The following CFAP47 variants were observed in gnomAD, a reference collection of about 807,000 sequenced individuals.
CFAP47 encodes cilia- and flagella-associated protein 47.
CFAP47 carries 29 observed loss-of-function variants against 148.1 expected under a neutral mutation model. That is an observed-to-expected ratio of 0.20 (90% confidence interval 0.15 to 0.27). CFAP47 has a LOEUF of 0.27. Ranked by LOEUF, CFAP47 falls within the 10% of genes least tolerant of loss-of-function variation. The pLI, the probability that CFAP47 is intolerant of heterozygous loss-of-function variation, is 1.00. For missense variants in CFAP47, 1,872 were observed against 1,697.5 expected, an observed-to-expected ratio of 1.10 and a Z score of -1.81; for synonymous variants, 664 against 577.3, an observed-to-expected ratio of 1.15 and a Z score of -2.15.
intron 15 of CFAP47, among the ~76,000 whole-genome samples, chrX:35,977,517 TC>T (rs1936587365): frequency 9.0e-6 from 1 of 111,202 alleles, no homozygotes; most frequent in Non-Finnish European, 1.9e-5. Context: ...CCTGTTTCCT[TC>T]CATCTTTCCT....
rs1418664152 is a variant in CFAP47, at chrX:36,371,644, ATGTGTATATATG to A, written c.9185+4528_9185+4539del. 1.6e-4 allele frequency among the ~76,000 whole-genome samples: 11 copies of A among 69,283 alleles called. 2 individuals are homozygous for A. Among genetic ancestry groups the A allele is most frequent in the African/African-American group, 6.4e-4 (10 of 15,701 alleles). 60.2% of individuals were successfully genotyped at this position (69,283 alleles called of 115,157 possible). The stretch of plus-strand genomic sequence containing the variant: ...GTAATATATGTGTATATACACACAT[ATGTGTATATATG>A]TGTGTATATACACACATGTGTATAT... On this transcript the variant is annotated intron_variant, in intron 62 of 63. Transcript: ENST00000378653.
intron 27 of CFAP47, among the ~76,000 whole-genome samples, chrX:36,067,823 C>A (rs1010208514): frequency 1.8e-5 from 2 of 109,373 alleles, no homozygotes; most frequent in Non-Finnish European, 3.8e-5. Context: ...CCACCATGGC[C>A]GGCTAATCTT....
chrX:36,034,554 A>G (rs1377190537), intron 23 of CFAP47, among the ~76,000 whole-genome samples: 5 of 111,556 alleles, frequency 4.5e-5, no homozygotes, highest in Non-Finnish European at 5.7e-5. Context: ...ATTACATAAT[A>G]TGTTAGCATG....
chrX:35,993,769 T>C (rs750207408), intron 18 of CFAP47, among the ~76,000 whole-genome samples: 23 of 111,106 alleles, frequency 2.1e-4, no homozygotes, highest in Non-Finnish European at 4.0e-4. Flanking sequence ...CGAACCTAGA[T>C]AGCCACAGAG....
At chrX:36,039,244 A>C in intron 25 of CFAP47, 65 bp downstream of exon 25, 2 of 482,759 alleles carry the variant, frequency 4.1e-6, no homozygotes, top group Non-Finnish European at 6.3e-6. Context: ...TCTGTGTTAT[A>C]TAAGAATTAT....
chrX:36,172,502 G>C (rs1300653716), intron 39 of CFAP47, among the ~76,000 whole-genome samples: 28 of 109,629 alleles, frequency 2.6e-4, no homozygotes, highest in African/African-American at 9.3e-4. Flanking sequence ...AGAGTTTTTA[G>C]CATGAGGGGT....
chrX:35,948,859 G>A (rs997807774), intron 4 of CFAP47, among the ~76,000 whole-genome samples: 7 of 106,123 alleles, frequency 6.6e-5, no homozygotes, highest in Non-Finnish European at 1.4e-4. Context: ...CATAGAGGAG[G>A]GATTTCAGGC....
At chrX:36,298,829 A>G in intron 51 of CFAP47, 148 bp from the exon 52 acceptor site, 1 of 337,346 alleles carries the variant, frequency 3.0e-6, no homozygotes, top group East Asian at 4.5e-5. Context: ...ATTCAAAGCT[A>G]GTGAGATATA....
Position 35,966,683 on chromosome X carries a change from A to G in CFAP47, c.1529A>G (p.His510Arg). The G allele has an allele frequency of 8.4e-7, 1 of 1,184,854 alleles. No individual in the cohort carries two copies. Among genetic ancestry groups the G allele is most frequent in the Admixed American group, 2.3e-5 (1 of 43,884 alleles). Reference protein sequence around the residue: ...DLQSLSVKSFHHVYLAFNSIC... With the variant: ...DLQSLSVKSFRHVYLAFNSIC... ...CAATCTTTGTCGGTAAAATCTTTCC[A>G]TCACGTATATTTAGCTTTCAACAGC... Residue 510 changes from histidine (H) to arginine (R), a missense_variant, in exon 9 of 64, where the codon CAT becomes CGT. Coordinates refer to ENST00000378653, the MANE Select transcript of CFAP47 (RefSeq NM_001304548.2).
intron 39 of CFAP47, among the ~76,000 whole-genome samples, chrX:36,167,570 C>A (rs149430355): frequency 0.021 from 2,337 of 111,279 alleles, 23 homozygotes; most frequent in Non-Finnish European, 0.034. Context: ...AAGAAAAGAG[C>A]TTCTCACGGT....
intron 23 of CFAP47, 47 bp downstream of exon 23, chrX:36,031,394 G>T: frequency 3.6e-6 from 1 of 278,443 alleles, no homozygotes; most frequent in South Asian, 2.2e-4. Flanking sequence ...TCATGATTAT[G>T]AATTCTAGTT....
At chrX:36,295,092 C>A (rs1394177086) in intron 51 of CFAP47, among the ~76,000 whole-genome samples, 1 of 111,515 alleles carries the variant, frequency 9.0e-6, no homozygotes, top group Non-Finnish European at 1.9e-5. Flanking sequence ...TAAGTACCAG[C>A]CAGAAAAAAT....
chrX:35,987,958 A>G (rs529691116), intron 15 of CFAP47, among the ~76,000 whole-genome samples: 61 of 110,768 alleles, frequency 5.5e-4, no homozygotes, highest in African/African-American at 1.6e-3. Context: ...ACCAGTCCCA[A>G]TGAGATGAAC....
intron 42 of CFAP47, among the ~76,000 whole-genome samples, chrX:36,200,076 T>C (rs1403923175): frequency 2.7e-5 from 3 of 111,755 alleles, no homozygotes; most frequent in Non-Finnish European, 5.7e-5. Flanking sequence ...ATTTCTTGCT[T>C]CCTCATTTTG....
intron 49 of CFAP47, among the ~76,000 whole-genome samples, chrX:36,274,912 A>G (rs1319542462): frequency 2.7e-5 from 3 of 111,418 alleles, no homozygotes; most frequent in African/African-American, 9.8e-5. Context: ...CTTGTTTCTG[A>G]TCTTAGAGGA....
chrX:36,134,467 T>C (rs1939006282), intron 33 of CFAP47, among the ~76,000 whole-genome samples: 1 of 103,838 alleles, frequency 9.6e-6, no homozygotes, highest in South Asian at 4.4e-4. Context: ...GCAAGGAATA[T>C]ATCTACACAA....
intron 57 of CFAP47, among the ~76,000 whole-genome samples, chrX:36,325,444 A>C (rs1158403381): frequency 8.9e-6 from 1 of 111,799 alleles, no homozygotes; most frequent in Non-Finnish European, 1.9e-5. Context: ...AAATAACTTA[A>C]AAAATGTAAA....
At chrX:36,213,562 C>T (rs1262656092) in intron 45 of CFAP47, among the ~76,000 whole-genome samples, 1 of 111,886 alleles carries the variant, frequency 8.9e-6, no homozygotes, top group African/African-American at 3.3e-5. Context: ...CATAATGCCA[C>T]CATGGTCCAA....
chrX:35,953,815 T>C (rs1315518206), intron 7 of CFAP47, 96 bp downstream of exon 7: 1 of 605,664 alleles, frequency 1.7e-6, no homozygotes, highest in African/African-American at 2.4e-5. Flanking sequence ...TAATAAAATA[T>C]ATAATTATTG....
Sources: gnomAD v4.1 joint callset for allele counts (sites outside exome capture counted in the v4.1 genomes callset) on GRCh38, gnomAD v4.1.1 for gene constraint, MANE v1.5 for transcripts, NCBI Gene and HGNC (gene_info 2026-07-23, HGNC 2026-07-21) for gene names.